PLXDC2: variants seen among roughly 807,000 people sequenced by gnomAD.
PLXDC2 encodes plexin domain-containing protein 2.
In PLXDC2, 40 loss-of-function variants were observed where a neutral mutation model predicts 68.9. The observed-to-expected ratio is 0.58, with a 90% confidence interval of 0.45 to 0.76. The LOEUF (loss-of-function observed/expected upper bound fraction) is 0.76. Among genes scored for constraint, PLXDC2 ranks in the 30% least tolerant of loss-of-function variants. PLXDC2 has a pLI of 0.00. For synonymous variants in PLXDC2, 243 were observed against 234.2 expected (o/e 1.04, Z -0.34); for missense variants, 644 against 661.9 (o/e 0.97, Z 0.30).
At chr10:19,930,165 C>A (rs1027685981) in intron 1 of PLXDC2, among the ~76,000 whole-genome samples, 1 of 151,988 alleles carries the variant, frequency 6.6e-6, no homozygotes, top group Non-Finnish European at 1.5e-5. Flanking sequence ...TTATACTCTT[C>A]TTAGGCCCAA....
chr10:20,148,812 A>G (rs1834112503), intron 6 of PLXDC2, among the ~76,000 whole-genome samples: 1 of 152,182 alleles, frequency 6.6e-6, no homozygotes, highest in African/African-American at 2.4e-5. Context: ...TGAATCCTAG[A>G]TTATAAAAGG....
intron 1 of PLXDC2, among the ~76,000 whole-genome samples, chr10:19,962,355 TGAGA>T (rs1834168213): frequency 9.0e-6 from 1 of 111,294 alleles, no homozygotes; most frequent in Non-Finnish European, 1.9e-5. Context: ...TTTTTTTTTT[TGAGA>T]TGGAGTCTCA....
chr10:20,026,272 C>T (rs1490417736), intron 2 of PLXDC2, among the ~76,000 whole-genome samples: 2 of 151,508 alleles, frequency 1.3e-5, no homozygotes, highest in South Asian at 2.1e-4. Flanking sequence ...AAATGAAATT[C>T]TCCTGAATAA....
chr10:20,147,900 GAAGT>G lies in PLXDC2; in HGVS notation c.783+3_783+6del, dbSNP rs1309026291. 6.3e-7 allele frequency: 1 copy of G among 1,589,162 alleles called. No individual in the cohort carries two copies. Among genetic ancestry groups the G allele is most frequent in the African/African-American group, 1.3e-5 (1 of 74,214 alleles). ...TGGACGAATCATCTTTGGATACAAAGAAGTAAGTGATGCGTTGATAATTTCTTTC... is the reference window on the plus strand; with the variant it reads ...TGGACGAATCATCTTTGGATACAAAGAAGTGATGCGTTGATAATTTCTTTC... On this transcript the variant is annotated splice_donor_variant and coding_sequence_variant, in exon 6 of 14. Transcript: ENST00000377252. LOFTEE classifies it high-confidence loss of function.
intron 2 of PLXDC2, among the ~76,000 whole-genome samples, chr10:20,008,251 C>T (rs921300341): frequency 6.6e-6 from 1 of 152,104 alleles, no homozygotes; most frequent in Non-Finnish European, 1.5e-5. Context: ...CCAGAAAATA[C>T]TTAATCTAAA....
chr10:19,968,383 G>T (rs1335910714), intron 1 of PLXDC2, among the ~76,000 whole-genome samples: 1 of 152,082 alleles, frequency 6.6e-6, no homozygotes, highest in African/African-American at 2.4e-5. Context: ...CACGATCTCC[G>T]CTCCCTGCAA....
intron 4 of PLXDC2, among the ~76,000 whole-genome samples, chr10:20,122,516 G>A (rs919158443): frequency 2.0e-5 from 3 of 152,194 alleles, no homozygotes; most frequent in African/African-American, 4.8e-5. Context: ...AGGTGAGTTG[G>A]ACAGTCCGAT....
intron 1 of PLXDC2, among the ~76,000 whole-genome samples, chr10:19,973,446 G>A (rs75403336): frequency 0.025 from 3,801 of 151,240 alleles, 62 homozygotes; most frequent in Non-Finnish European, 0.038. Context: ...CTTCATTATT[G>A]TCAAGGAATT....
chr10:20,073,408 A>G (rs1316636510), intron 4 of PLXDC2, among the ~76,000 whole-genome samples: 1 of 152,216 alleles, frequency 6.6e-6, no homozygotes, highest in Non-Finnish European at 1.5e-5. Context: ...AACAATATAG[A>G]CATATACATC....
intron 6 of PLXDC2, among the ~76,000 whole-genome samples, chr10:20,150,165 A>G (rs1018482007): frequency 1.8e-4 from 27 of 152,170 alleles, no homozygotes; most frequent in African/African-American, 6.5e-4. Flanking sequence ...TAAGGGTTTT[A>G]AGGATGTATA....
chr10:20,193,339 A>G (rs116656039), intron 9 of PLXDC2, among the ~76,000 whole-genome samples: 42 of 152,212 alleles, frequency 2.8e-4, no homozygotes, highest in African/African-American at 9.9e-4. Context: ...AATCACAACA[A>G]TCTAGTTTGA....
intron 3 of PLXDC2, among the ~76,000 whole-genome samples, chr10:20,062,178 C>T (rs1020826787): frequency 1.3e-5 from 2 of 152,210 alleles, no homozygotes; most frequent in Non-Finnish European, 2.9e-5. Flanking sequence ...GTAATCCCAG[C>T]ACTTTGGGAG....
chr10:20,286,103 A>G lies in PLXDC2; in HGVS notation c.*6284A>G, dbSNP rs1252374763. On this transcript the variant is annotated 3_prime_UTR_variant, in exon 14 of 14. Transcript: ENST00000377252. ...TCAGTTTTTCATAACAAGTTTATGG[A>G]ATACATCATCATTGGCTTCTTCATA... The G allele has an allele frequency of 6.6e-6, 1 of 152,194 alleles. No homozygotes were observed. Among genetic ancestry groups the G allele is most frequent in the Non-Finnish European group, 1.5e-5 (1 of 68,044 alleles). 9.4% of individuals were successfully genotyped at this position (152,194 alleles called of 1,614,324 possible).
intron 9 of PLXDC2, among the ~76,000 whole-genome samples, chr10:20,202,231 T>A (rs1001673586): frequency 3.3e-5 from 5 of 152,156 alleles, no homozygotes; most frequent in African/African-American, 1.2e-4. Flanking sequence ...TTAGCTTCAA[T>A]ACGTACACAC....
chr10:20,041,631 T>C (rs1228408036), intron 2 of PLXDC2, among the ~76,000 whole-genome samples: 1 of 152,206 alleles, frequency 6.6e-6, no homozygotes, highest in Non-Finnish European at 1.5e-5. Flanking sequence ...CTCCTTTTTT[T>C]TCCCCTGCAA....
chr10:19,947,978 A>T (rs1833930827), intron 1 of PLXDC2, among the ~76,000 whole-genome samples: 1 of 152,080 alleles, frequency 6.6e-6, no homozygotes, highest in South Asian at 2.1e-4. Context: ...AAGATATTTT[A>T]TGTTTGAGAC....
chr10:20,128,300 C>G (rs113318953), intron 4 of PLXDC2, among the ~76,000 whole-genome samples: 4,372 of 152,266 alleles, frequency 0.029, 88 homozygotes, highest in South Asian at 0.073. Context: ...AAGCAACTCT[C>G]TCTTTGTCCC....
intron 1 of PLXDC2, among the ~76,000 whole-genome samples, chr10:19,934,043 C>T (rs1310868053): frequency 6.6e-6 from 1 of 152,190 alleles, no homozygotes; most frequent in Non-Finnish European, 1.5e-5. Context: ...ATTAATCTCT[C>T]TCATTCCTTA....
At chr10:19,883,911 T>TTTTTTTTTTTTTTTTTTTTTTGG in intron 1 of PLXDC2, among the ~76,000 whole-genome samples, 1 of 136,856 alleles carries the variant, frequency 7.3e-6, no homozygotes, top group Admixed American at 8.0e-5. Context: ...TTTTTTTTTT[T>TTTTTTTTTTTTTTTTTTTTTTGG]AGCAGACAGG....
Sources: gnomAD v4.1 joint callset for allele counts (sites outside exome capture counted in the v4.1 genomes callset) on GRCh38, gnomAD v4.1.1 for gene constraint, MANE v1.5 for transcripts, NCBI Gene and HGNC (gene_info 2026-07-23, HGNC 2026-07-21) for gene names.